PDLIM5: variants seen among roughly 807,000 people sequenced by gnomAD.
The protein encoded by PDLIM5 is PDZ and LIM domain protein 5.
A neutral mutation model predicts 64.2 loss-of-function variants in PDLIM5; 34 were observed. That is an observed-to-expected ratio of 0.53 (90% CI 0.40 to 0.71). PDLIM5 has a LOEUF of 0.71. Ranked by LOEUF, PDLIM5 falls within the 30% of genes least tolerant of loss-of-function variation. The pLI is 0.00. For missense variants in PDLIM5, 683 were observed against 733.6 expected (o/e 0.93, Z 0.80); for synonymous variants, 253 against 269.1 (o/e 0.94, Z 0.59).
chr4:94,521,263 G>A (rs1170347134), intron 2 of PDLIM5, among the ~76,000 whole-genome samples: 1 of 152,134 alleles, frequency 6.6e-6, no homozygotes, highest in Non-Finnish European at 1.5e-5. Flanking sequence ...ATTCGGGAAT[G>A]TTAAGATGGA....
intron 3 of PDLIM5, among the ~76,000 whole-genome samples, chr4:94,535,254 G>A (rs1344418510): frequency 6.6e-6 from 1 of 152,182 alleles, no homozygotes; most frequent in African/African-American, 2.4e-5. Flanking sequence ...TGTAGAATGA[G>A]GGAAGAGTCA....
rs77712557 is a variant in PDLIM5, at chr4:94,571,936, G to T, written c.249-1415G>T. Among the ~76,000 whole-genome samples, 1,175 of 152,282 alleles carry T rather than the reference G, an allele frequency of 7.7e-3. 12 individuals are homozygous for T. Among genetic ancestry groups the T allele is most frequent in the African/African-American group, 0.027 (1,112 of 41,556 alleles). ...AACTGCACAGAGTGTAATCTGTATT[G>T]CAGTAACTGAATATTAACATCCATT... On this transcript the variant is annotated intron_variant, in intron 3 of 12. Coordinates refer to ENST00000317968, the MANE Select transcript of PDLIM5 (RefSeq NM_006457.5).
At chr4:94,638,726 C>T (rs1740770539) in intron 8 of PDLIM5, among the ~76,000 whole-genome samples, 1 of 152,192 alleles carries the variant, frequency 6.6e-6, no homozygotes, top group Non-Finnish European at 1.5e-5. Flanking sequence ...CTTTTCTCTT[C>T]CATTAGATTT....
intron 7 of PDLIM5, among the ~76,000 whole-genome samples, chr4:94,592,303 A>G (rs936119885): frequency 2.6e-5 from 4 of 152,226 alleles, no homozygotes; most frequent in Non-Finnish European, 4.4e-5. Context: ...ATGATTTTGC[A>G]TGTTATAGTC....
chr4:94,584,981 A>G (rs1736040875), intron 5 of PDLIM5: 2 of 1,526,618 alleles, frequency 1.3e-6, no homozygotes, highest in Non-Finnish European at 1.8e-6. Flanking sequence ...TCTGTCAATT[A>G]AAAGGAAAAT....
chr4:94,568,458 A>C (rs1734527472), intron 3 of PDLIM5, among the ~76,000 whole-genome samples: 1 of 152,216 alleles, frequency 6.6e-6, no homozygotes, highest in South Asian at 2.1e-4. Flanking sequence ...CATAGTAATA[A>C]TGAATTACTC....
In PDLIM5 at chr4:94,585,757, T is replaced by A; in HGVS notation, c.883+20T>A. ...AACATTGTAAGTGAACTTCTAGGTA[T>A]CCTAATGGATGAATGTTTTTTTGCC... On this transcript the variant is annotated intron_variant, in intron 6 of 12. Coordinates refer to ENST00000317968, the MANE Select transcript of PDLIM5 (RefSeq NM_006457.5). The A allele has an allele frequency of 6.3e-7, 1 of 1,594,560 alleles. No individual in the cohort carries two copies. The highest frequency in any genetic ancestry group is 8.6e-7 in the Non-Finnish European group (1 of 1,163,652).
chr4:94,630,202 C>A (rs192062300), intron 8 of PDLIM5, among the ~76,000 whole-genome samples: 1 of 152,048 alleles, frequency 6.6e-6, no homozygotes, highest in African/African-American at 2.4e-5. Flanking sequence ...TGATGTATCC[C>A]AGTTATTTAT....
chr4:94,454,228 AAG>A (rs143776749), intron 1 of PDLIM5, among the ~76,000 whole-genome samples: 2,486 of 151,928 alleles, frequency 0.016, 38 homozygotes, highest in Middle Eastern at 0.027. Context: ...ATATTTTTTA[AAG>A]AGAGAGAATT....
At chr4:94,604,495 G>A (rs578044911) in intron 7 of PDLIM5, among the ~76,000 whole-genome samples, 47 of 152,236 alleles carry the variant, frequency 3.1e-4, no homozygotes, top group Non-Finnish European at 6.5e-4. Context: ...TTAGCCAGGC[G>A]TGGTGGCACG....
chr4:94,658,137 A>G (rs1742364987), intron 11 of PDLIM5, among the ~76,000 whole-genome samples: 2 of 152,256 alleles, frequency 1.3e-5, no homozygotes, highest in African/African-American at 2.4e-5. Context: ...CTACTAAATC[A>G]TGTACCTTAA....
At chr4:94,587,598 A>G (rs1390962826) in intron 7 of PDLIM5, 1 of 972,760 alleles carries the variant, frequency 1.0e-6, no homozygotes, top group African/African-American at 1.8e-5. Context: ...TTATTAAAGA[A>G]GAGTGCGTGC....
intron 8 of PDLIM5, among the ~76,000 whole-genome samples, chr4:94,622,177 C>T (rs1356259192): frequency 6.6e-6 from 1 of 152,070 alleles, no homozygotes; most frequent in Non-Finnish European, 1.5e-5. Context: ...TCAGAATGTA[C>T]TCTTAGTCTT....
chr4:94,640,632 G>C (rs1740931631), intron 9 of PDLIM5, among the ~76,000 whole-genome samples, 182 bp downstream of exon 9: 1 of 151,904 alleles, frequency 6.6e-6, no homozygotes, highest in African/African-American at 2.4e-5. Context: ...TTAATGAAAG[G>C]TAATACGGAG....
intron 2 of PDLIM5, among the ~76,000 whole-genome samples, chr4:94,481,405 T>C (rs1373540770): frequency 6.6e-6 from 1 of 150,644 alleles, no homozygotes; most frequent in Non-Finnish European, 1.5e-5. Context: ...TGCCTCAGCC[T>C]CCTGAGTAGC....
intron 7 of PDLIM5, chr4:94,611,258 TA>T: frequency 7.1e-7 from 1 of 1,407,542 alleles, no homozygotes; most frequent in Non-Finnish European, 9.7e-7. Context: ...CTGCTTTCTC[TA>T]ACACTCCACC....
intron 2 of PDLIM5, among the ~76,000 whole-genome samples, chr4:94,459,204 A>G (rs1037920156): frequency 1.3e-5 from 2 of 152,190 alleles, no homozygotes; most frequent in South Asian, 4.1e-4. Context: ...GTTATATCCT[A>G]AAGTTGAAAT....
chr4:94,595,871 T>C (rs970561524), intron 7 of PDLIM5, among the ~76,000 whole-genome samples: 12 of 152,180 alleles, frequency 7.9e-5, no homozygotes, highest in African/African-American at 2.9e-4. Context: ...GAATTAGCAA[T>C]TGGACTTGCC....
intron 8 of PDLIM5, among the ~76,000 whole-genome samples, chr4:94,622,004 A>G (rs1202695603): frequency 6.6e-6 from 1 of 152,222 alleles, no homozygotes; most frequent in African/African-American, 2.4e-5. Flanking sequence ...TCCAGGTGCT[A>G]TAAACAGGCA....
Sources: gnomAD v4.1 joint callset for allele counts (sites outside exome capture counted in the v4.1 genomes callset) on GRCh38, gnomAD v4.1.1 for gene constraint, MANE v1.5 for transcripts, NCBI Gene and HGNC (gene_info 2026-07-23, HGNC 2026-07-21) for gene names.